STARD3NL: variants seen among roughly 807,000 people sequenced by gnomAD.
STARD3NL encodes STARD3 N-terminal like.
A neutral mutation model predicts 30.9 loss-of-function variants in STARD3NL; 17 were observed. The observed-to-expected ratio is 0.55, with a 90% CI of 0.38 to 0.82. The LOEUF is 0.82. STARD3NL is among the 40% of genes least tolerant of loss of function. STARD3NL has a pLI of 0.00. For synonymous variants in STARD3NL, 112 were observed against 100.5 expected, an observed-to-expected ratio of 1.11 and a Z score of -0.69; for missense variants, 234 against 277.6, an observed-to-expected ratio of 0.84 and a Z score of 1.12.
chr7:38,225,565 A>G (rs1786709596), intron 7 of STARD3NL, among the ~76,000 whole-genome samples: 1 of 152,172 alleles, frequency 6.6e-6, no homozygotes, highest in African/African-American at 2.4e-5. Context: ...TACTCAGTTG[A>G]ACAGCACAAG....
At chr7:38,214,216 A>T in intron 2 of STARD3NL, 141 bp from the exon 3 acceptor site, 1 of 562,092 alleles carries the variant, frequency 1.8e-6, no homozygotes, top group Non-Finnish European at 3.1e-6. Context: ...TTTCTATTAA[A>T]ATTATGAGAG....
At position 38,207,469 on chromosome 7, in the gene STARD3NL, G is replaced by A; in HGVS notation, c.-36G>A. 1 of 1,582,786 alleles carries A rather than the reference G, an allele frequency of 6.3e-7. No homozygotes were observed. The highest frequency in any genetic ancestry group is 8.7e-7 in the Non-Finnish European group (1 of 1,154,592). On this transcript the variant is annotated 5_prime_UTR_variant, in exon 2 of 9. Coordinates refer to ENST00000009041, the MANE Select transcript of STARD3NL (RefSeq NM_032016.4). The stretch of plus-strand genomic sequence containing the variant: ...AAGGTGTCTTCTCTTTAGGGATGGT[G>A]AGGTTGGAAAAAGGCTCCTGTAACC...
chr7:38,190,154 G>T (rs988570038), intron 1 of STARD3NL, among the ~76,000 whole-genome samples: 1 of 152,118 alleles, frequency 6.6e-6, no homozygotes, highest in African/African-American at 2.4e-5. Context: ...ATACAATAAT[G>T]GGCAGATAGC....
chr7:38,194,246 A>G (rs980115201), intron 1 of STARD3NL, among the ~76,000 whole-genome samples: 4 of 152,062 alleles, frequency 2.6e-5, no homozygotes, highest in African/African-American at 9.7e-5. Context: ...TACTCCCTTT[A>G]TTAGTACTTT....
At chr7:38,202,135 G>C (rs1232087982) in intron 1 of STARD3NL, 1 of 152,182 alleles carries the variant, frequency 6.6e-6, no homozygotes, top group Non-Finnish European at 1.5e-5. Flanking sequence ...GCTGCTACTG[G>C]GGAATATGTT....
chr7:38,211,755 A>G (rs1785817403), intron 2 of STARD3NL, among the ~76,000 whole-genome samples: 2 of 152,160 alleles, frequency 1.3e-5, no homozygotes, highest in African/African-American at 4.8e-5. Context: ...GTTTCCCCCA[A>G]TGCATACACA....
intron 1 of STARD3NL, among the ~76,000 whole-genome samples, chr7:38,192,044 TA>T (rs1387204865): frequency 6.6e-6 from 1 of 152,236 alleles, no homozygotes; most frequent in African/African-American, 2.4e-5. Context: ...TATTTTCAAC[TA>T]CTTCCATTTC....
intron 1 of STARD3NL, among the ~76,000 whole-genome samples, chr7:38,206,374 T>C (rs1258418835): frequency 6.6e-6 from 1 of 152,168 alleles, no homozygotes; most frequent in East Asian, 1.9e-4. Flanking sequence ...AGGAGTTCAG[T>C]AGAGCCAGGA....
chr7:38,191,392 G>A (rs1256594800), intron 1 of STARD3NL, among the ~76,000 whole-genome samples: 1 of 152,082 alleles, frequency 6.6e-6, no homozygotes, highest in Non-Finnish European at 1.5e-5. Context: ...ACCAGGGGGA[G>A]CCCCTTCATG....
At chr7:38,197,974 A>G (rs1785002169) in intron 1 of STARD3NL, among the ~76,000 whole-genome samples, 1 of 152,216 alleles carries the variant, frequency 6.6e-6, no homozygotes, top group East Asian at 1.9e-4. Context: ...CTTGCAAGAC[A>G]GCCAGCTCAG....
chr7:38,218,709 A>T (rs1443883408), intron 6 of STARD3NL, among the ~76,000 whole-genome samples: 1 of 152,148 alleles, frequency 6.6e-6, no homozygotes, highest in Non-Finnish European at 1.5e-5. Flanking sequence ...CTTTATCCTG[A>T]GGTTAACTCA....
In STARD3NL at chr7:38,230,372, G is replaced by T. The variant is rs1787031437; in HGVS notation, c.*467G>T. 1.3e-5 allele frequency: 2 copies of T among 152,410 alleles called. No individual in the cohort carries two copies. The highest frequency in any genetic ancestry group is 4.8e-5 in the African/African-American group (2 of 41,356). 9.4% of individuals were successfully genotyped at this position (152,410 alleles called of 1,614,324 possible). On this transcript the variant is annotated 3_prime_UTR_variant, in exon 9 of 9. Transcript: ENST00000009041. ...TTTAACTCATGCACATGTGCTCTTT[G>T]TACAGTTTTAAAAAGTGTAATAAAA...
chr7:38,188,663 C>A lies in STARD3NL; in HGVS notation c.-59+10243C>A, dbSNP rs1304320131. ...AACATTATGAAGTGCGGTTCTTAAA[C>A]CATGTAGTTCACATCCAGATTCAGC... On this transcript the variant is annotated intron_variant, in intron 1 of 8. Coordinates refer to ENST00000009041, the MANE Select transcript of STARD3NL (RefSeq NM_032016.4). Among the ~76,000 whole-genome samples, 4 of 152,304 alleles carry A rather than the reference C, an allele frequency of 2.6e-5. No individual in the cohort carries two copies. In the East Asian group the frequency reaches 5.8e-4, roughly 22 times the overall value.
chr7:38,187,348 A>G (rs751523551), intron 1 of STARD3NL, among the ~76,000 whole-genome samples: 4 of 152,218 alleles, frequency 2.6e-5, no homozygotes, highest in Non-Finnish European at 5.9e-5. Flanking sequence ...GGACCAAGCA[A>G]CAGTCCTAGT....
At chr7:38,181,874 G>A (rs1221040885) in intron 1 of STARD3NL, among the ~76,000 whole-genome samples, 2 of 152,048 alleles carry the variant, frequency 1.3e-5, no homozygotes, top group Non-Finnish European at 2.9e-5. Flanking sequence ...CAGCTTCAGT[G>A]CCATTACTAG....
chr7:38,217,898 C>T (rs752342202), intron 6 of STARD3NL, among the ~76,000 whole-genome samples: 2 of 152,138 alleles, frequency 1.3e-5, no homozygotes, highest in Non-Finnish European at 2.9e-5. Flanking sequence ...GCCAGAGCGA[C>T]GCTCAGCCTT....
intron 7 of STARD3NL, among the ~76,000 whole-genome samples, chr7:38,222,320 T>C (rs2240823): frequency 0.22 from 32,816 of 152,186 alleles, 3,958 homozygotes; most frequent in Admixed American, 0.33. Context: ...GAAAGCAGCA[T>C]ACAACACAGA....
intron 1 of STARD3NL, among the ~76,000 whole-genome samples, chr7:38,180,748 A>G (rs1018450609): frequency 1.1e-4 from 16 of 152,230 alleles, no homozygotes; most frequent in African/African-American, 2.9e-4. Flanking sequence ...GCAAGTCTCT[A>G]TTACTTAAAA....
In STARD3NL at chr7:38,227,354, G is replaced by A. The variant is rs114125404; in HGVS notation, c.650-1445G>A. On this transcript the variant is annotated intron_variant, in intron 7 of 8. Coordinates refer to ENST00000009041, the MANE Select transcript of STARD3NL (RefSeq NM_032016.4). Reference sequence around the variant, plus strand: ...CCACCTCCTGTCTCTATGATGGACAGTGTGTTAATAGGGTAGAAAGTAAAG... The same window carrying A: ...CCACCTCCTGTCTCTATGATGGACAATGTGTTAATAGGGTAGAAAGTAAAG... 3.4e-3 allele frequency among the ~76,000 whole-genome samples: 518 copies of A among 152,304 alleles called. 4 individuals are homozygous for A. The highest frequency in any genetic ancestry group is 0.012 in the African/African-American group (496 of 41,556).
Sources: allele counts gnomAD v4.1 joint callset (sites outside exome capture counted in the v4.1 genomes callset), GRCh38; gene constraint gnomAD v4.1.1; transcripts MANE v1.5; gene names NCBI Gene and HGNC (gene_info 2026-07-23, HGNC 2026-07-21).